Variants in TTC28 observed in about 807,000 individuals in gnomAD.
The protein encoded by TTC28 is tetratricopeptide repeat domain 28.
A neutral mutation model predicts 198.0 loss-of-function variants in TTC28; 61 were observed. The ratio of observed to expected loss-of-function variants is 0.31; its 90% confidence interval spans 0.25 to 0.38. The LOEUF is 0.38. Among genes scored for constraint, TTC28 ranks in the 10% least tolerant of loss-of-function variants. The probability of loss-of-function intolerance (pLI) is 1.00; values close to 1 mark genes in which losing one functional copy is unlikely to be tolerated. For synonymous variants in TTC28, 1,171 were observed against 1,297.8 expected, an observed-to-expected ratio of 0.90 and a Z score of 2.10; for missense variants, 2,678 against 3,164.0, an observed-to-expected ratio of 0.85 and a Z score of 3.69.
chr22:28,557,355 T>C (rs2049802669), intron 2 of TTC28, among the ~76,000 whole-genome samples: 2 of 152,246 alleles, frequency 1.3e-5, no homozygotes, highest in South Asian at 4.1e-4. Context: ...TATATTCCAT[T>C]TCTCTGCCTC....
At chr22:28,489,325 T>G in intron 2 of TTC28, among the ~76,000 whole-genome samples, 1 of 151,614 alleles carries the variant, frequency 6.6e-6, no homozygotes, top group East Asian at 1.9e-4. Context: ...ACACACACAT[T>G]ACTCTGCCTC....
intron 12 of TTC28, among the ~76,000 whole-genome samples, chr22:28,049,386 T>C (rs1191584474): frequency 2.0e-5 from 3 of 152,252 alleles, no homozygotes; most frequent in Admixed American, 2.0e-4. Context: ...GTAAAATGCC[T>C]TTCTTCCATT....
chr22:28,191,915 C>A (rs191820229), intron 5 of TTC28, among the ~76,000 whole-genome samples: 2 of 152,158 alleles, frequency 1.3e-5, no homozygotes, highest in Non-Finnish European at 1.5e-5. Context: ...CTTGAATGAC[C>A]CTGTCTGACA....
chr22:28,616,366 T>C (rs2050905493), intron 2 of TTC28, among the ~76,000 whole-genome samples: 1 of 152,212 alleles, frequency 6.6e-6, no homozygotes. Flanking sequence ...GGATTTGAAC[T>C]AGCTTGTCAT....
intron 12 of TTC28, among the ~76,000 whole-genome samples, chr22:28,075,562 A>C (rs903047730): frequency 7.9e-5 from 12 of 152,220 alleles, no homozygotes; most frequent in Admixed American, 5.9e-4. Context: ...GGATCTTACA[A>C]GAAAGGGGTG....
At chr22:28,319,300 C>T (rs2045406630) in intron 2 of TTC28, among the ~76,000 whole-genome samples, 2 of 152,144 alleles carry the variant, frequency 1.3e-5, no homozygotes, top group Admixed American at 1.3e-4. Flanking sequence ...GCAATTGAAG[C>T]AACTGACAAA....
At chr22:28,530,500 G>A (rs940308687) in intron 2 of TTC28, among the ~76,000 whole-genome samples, 7 of 152,170 alleles carry the variant, frequency 4.6e-5, no homozygotes, top group African/African-American at 1.7e-4. Flanking sequence ...ATATTATCCA[G>A]GAGAACTTCC....
In TTC28 at chr22:27,996,115, A is replaced by G; in HGVS notation, c.5244+20T>C. On this transcript the variant is annotated intron_variant, in intron 17 of 22. Transcript: ENST00000397906. ...AGCACTGCCAGCTCTCGTTGAGTGC[A>G]GGGTGCCCGACCCCCTTACCAGGTG... 1 of 1,543,414 alleles carries G rather than the reference A, an allele frequency of 6.5e-7. No homozygotes were observed.
At chr22:28,134,082 T>A (rs1302268418) in intron 6 of TTC28, among the ~76,000 whole-genome samples, 4 of 152,220 alleles carry the variant, frequency 2.6e-5, no homozygotes, top group African/African-American at 7.2e-5. Context: ...CCTCCGCTGC[T>A]GATATCCAGG....
intron 5 of TTC28, among the ~76,000 whole-genome samples, chr22:28,247,513 C>A (rs956678210): frequency 6.6e-6 from 1 of 152,136 alleles, no homozygotes; most frequent in African/African-American, 2.4e-5. Context: ...GCTGCTATAC[C>A]GTGAGACAGA....
intron 1 of TTC28, among the ~76,000 whole-genome samples, chr22:28,658,467 GA>G (rs2051693389): frequency 6.6e-6 from 1 of 152,146 alleles, no homozygotes; most frequent in Non-Finnish European, 1.5e-5. Flanking sequence ...GACATGATTT[GA>G]AACATGGCAG....
chr22:28,081,050 G>C (rs1034526156), intron 12 of TTC28, among the ~76,000 whole-genome samples: 23 of 151,572 alleles, frequency 1.5e-4, no homozygotes, highest in African/African-American at 9.7e-5. Flanking sequence ...TTATATGTCT[G>C]TTTATGTCAG....
At chr22:28,093,399 G>T (rs765745722) in intron 12 of TTC28, among the ~76,000 whole-genome samples, 11 of 152,180 alleles carry the variant, frequency 7.2e-5, no homozygotes, top group Non-Finnish European at 1.5e-4. Flanking sequence ...CCGAACCCTT[G>T]GTAATCACTG....
At chr22:28,086,356 A>T (rs1213425974) in intron 12 of TTC28, among the ~76,000 whole-genome samples, 2 of 152,184 alleles carry the variant, frequency 1.3e-5, no homozygotes, top group Non-Finnish European at 2.9e-5. Context: ...AGGATTAAGA[A>T]ACTCACTCAA....
At chr22:27,990,126 G>T in intron 20 of TTC28, 119 bp from the exon 21 acceptor site, 1 of 1,312,714 alleles carries the variant, frequency 7.6e-7, no homozygotes, top group Non-Finnish European at 1.0e-6. Flanking sequence ...CCTCTCATGA[G>T]TGTAGCATTT....
intron 3 of TTC28, among the ~76,000 whole-genome samples, chr22:28,305,302 A>AT (rs1474667798): frequency 1.3e-5 from 2 of 152,048 alleles, no homozygotes; most frequent in Non-Finnish European, 2.9e-5. Flanking sequence ...GTCAGAGTTT[A>AT]TTAACAGCAG....
At chr22:28,517,551 C>T (rs1250531890) in intron 2 of TTC28, among the ~76,000 whole-genome samples, 3 of 152,056 alleles carry the variant, frequency 2.0e-5, no homozygotes, top group Admixed American at 6.6e-5. Context: ...TAGGCAGATC[C>T]TAGGAAGACA....
chr22:28,054,685 C>T (rs1940209004), intron 12 of TTC28, among the ~76,000 whole-genome samples: 1 of 152,138 alleles, frequency 6.6e-6, no homozygotes, highest in African/African-American at 2.4e-5. Flanking sequence ...CATCTCCAAT[C>T]CCCAGCTCAT....
At chr22:28,336,362 TA>T (rs1344255661) in intron 2 of TTC28, among the ~76,000 whole-genome samples, 1 of 152,238 alleles carries the variant, frequency 6.6e-6, no homozygotes, top group Non-Finnish European at 1.5e-5. Flanking sequence ...TAAAATGAGT[TA>T]GGGAGGATTC....
Sources: allele counts gnomAD v4.1 joint callset (sites outside exome capture counted in the v4.1 genomes callset), GRCh38; gene constraint gnomAD v4.1.1; transcripts MANE v1.5; gene names NCBI Gene and HGNC (gene_info 2026-07-23, HGNC 2026-07-21).